Variants in EXOC4 observed in about 807,000 individuals in gnomAD.
EXOC4 encodes SEC8-like 1.
Under a neutral mutation model 107.2 loss-of-function variants are expected in EXOC4, and 71 were observed. The ratio of observed to expected loss-of-function variants is 0.66; its 90% confidence interval spans 0.55 to 0.81. The LOEUF (loss-of-function observed/expected upper bound fraction) is 0.81, where lower values mean the gene tolerates loss of function less well. EXOC4 is among the 30% of genes least tolerant of loss of function. The pLI, the probability that EXOC4 is intolerant of heterozygous loss-of-function variation, is 0.00. For synonymous variants in EXOC4, 456 were observed against 441.2 expected (o/e 1.03, Z -0.42); for missense variants, 1,108 against 1,189.6 (o/e 0.93, Z 1.01).
At position 133,986,641 on chromosome 7, in the gene EXOC4, G is replaced by C. The variant is rs192353994; in HGVS notation, c.2207-10851G>C. ...AGATCACCCCTCTGTTCCAAAAACC[G>C]GTAGGCTTCATAAATAAATAATTTA... On this transcript the variant is annotated intron_variant, in intron 14 of 17. Transcript: ENST00000253861. 2.6e-4 allele frequency among the ~76,000 whole-genome samples: 39 copies of C among 152,262 alleles called. No individual in the cohort carries two copies. In the East Asian group the frequency reaches 7.3e-3, roughly 29 times the overall value.
At chr7:133,878,944 C>T (rs1798906732) in intron 11 of EXOC4, among the ~76,000 whole-genome samples, 1 of 152,076 alleles carries the variant, frequency 6.6e-6, no homozygotes, top group African/African-American at 2.4e-5. Context: ...AGGCTGGTCT[C>T]AAACTCCTGA....
At chr7:134,073,783 T>G in the EXOC4 span, among the ~76,000 whole-genome samples, 1,245 of 152,198 alleles carry the variant, frequency 8.2e-3, 17 homozygotes, top group East Asian at 0.027. Context: ...GGGGTTTTGG[T>G]GAGAGGCTTC....
intron 10 of EXOC4, among the ~76,000 whole-genome samples, chr7:133,663,909 G>T (rs1434087667): frequency 6.6e-6 from 1 of 152,130 alleles, no homozygotes; most frequent in African/African-American, 2.4e-5. Flanking sequence ...GTAAAAGCCA[G>T]AATTATTTTC....
intron 9 of EXOC4, among the ~76,000 whole-genome samples, chr7:133,518,556 G>A (rs1404062815): frequency 6.6e-6 from 1 of 151,908 alleles, no homozygotes; most frequent in African/African-American, 2.4e-5. Context: ...GTTCATAGCA[G>A]CATCATTCAC....
At chr7:133,907,569 G>A (rs1375643886) in intron 12 of EXOC4, among the ~76,000 whole-genome samples, 1 of 152,176 alleles carries the variant, frequency 6.6e-6, no homozygotes, top group African/African-American at 2.4e-5. Context: ...CAGGCAGGGT[G>A]GCTCACACCT....
At chr7:133,581,588 C>A (rs1801272896) in intron 9 of EXOC4, among the ~76,000 whole-genome samples, 1 of 151,428 alleles carries the variant, frequency 6.6e-6, no homozygotes, top group Non-Finnish European at 1.5e-5. Context: ...GAAACCCCGT[C>A]TCTACTAAAA....
rs1252021474 is a variant in EXOC4, at chr7:133,504,362, GGTTT to G, written c.1417+24233_1417+24236del. Among the ~76,000 whole-genome samples the G allele has an allele frequency of 7.2e-5, 11 of 152,142 alleles. No individual in the cohort carries two copies. In the East Asian group the frequency reaches 1.5e-3, roughly 21 times the overall value. Reference sequence around the variant, plus strand: ...CAGAAAAGCAAAGCTATTCTAGGTTGGTTTGTTTGTTTTTTCTCCTTTAATGTGA... The same window carrying G: ...CAGAAAAGCAAAGCTATTCTAGGTTGGTTTGTTTTTTCTCCTTTAATGTGA... On this transcript the variant is annotated intron_variant, in intron 9 of 17. Transcript: ENST00000253861.
At chr7:133,790,893 C>CA (rs1796689128) in intron 10 of EXOC4, among the ~76,000 whole-genome samples, 2 of 151,996 alleles carry the variant, frequency 1.3e-5, no homozygotes, top group South Asian at 4.2e-4. Flanking sequence ...AACTAGTAAT[C>CA]AAAAAAAGGC....
chr7:134,029,199 G>A (rs1795212114), intron 17 of EXOC4, among the ~76,000 whole-genome samples: 1 of 152,186 alleles, frequency 6.6e-6, no homozygotes, highest in African/African-American at 2.4e-5. Context: ...CCTCCTCACT[G>A]TGGGAGTTCC....
intron 5 of EXOC4, among the ~76,000 whole-genome samples, chr7:133,354,926 T>G (rs1182808072): frequency 6.6e-6 from 1 of 152,162 alleles, no homozygotes; most frequent in Non-Finnish European, 1.5e-5. Flanking sequence ...AGTACAATCG[T>G]GTAGGTGGGG....
chr7:134,050,753 T>C (rs57324575), intron 17 of EXOC4, among the ~76,000 whole-genome samples: 3 of 152,202 alleles, frequency 2.0e-5, no homozygotes, highest in Non-Finnish European at 2.9e-5. Context: ...AGGTCAAGTC[T>C]TTAAAAGGCC....
intron 14 of EXOC4, among the ~76,000 whole-genome samples, chr7:133,940,781 T>A (rs1430421240): frequency 4.6e-5 from 7 of 152,042 alleles, no homozygotes; most frequent in African/African-American, 1.2e-4. Flanking sequence ...TTTATTATTT[T>A]TTTTTTTTTG....
chr7:133,954,277 C>T (rs1800762708), intron 14 of EXOC4, among the ~76,000 whole-genome samples: 1 of 152,104 alleles, frequency 6.6e-6, no homozygotes, highest in African/African-American at 2.4e-5. Flanking sequence ...TGGAAACTGG[C>T]AAAAGAACTT....
At chr7:133,677,745 C>G (rs576769215) in intron 10 of EXOC4, among the ~76,000 whole-genome samples, 16 of 152,248 alleles carry the variant, frequency 1.1e-4, no homozygotes, top group African/African-American at 3.8e-4. Context: ...ACCTGCTAAT[C>G]AATCTTAAAT....
chr7:133,281,848 CCCA>C (rs1172601562), intron 2 of EXOC4, among the ~76,000 whole-genome samples: 1 of 151,908 alleles, frequency 6.6e-6, no homozygotes, highest in East Asian at 1.9e-4. Flanking sequence ...ATTATAGGTA[CCCA>C]CCACCACACC....
At chr7:133,375,955 T>C (rs912604812) in intron 7 of EXOC4, among the ~76,000 whole-genome samples, 7 of 152,216 alleles carry the variant, frequency 4.6e-5, no homozygotes, top group African/African-American at 1.7e-4. Flanking sequence ...CATAACTAAA[T>C]AGAAGTAACT....
intron 5 of EXOC4, among the ~76,000 whole-genome samples, chr7:133,330,428 G>A (rs1225886792): frequency 6.6e-6 from 1 of 152,124 alleles, no homozygotes; most frequent in Non-Finnish European, 1.5e-5. Flanking sequence ...TTCCAGGGGA[G>A]TGAACGGTTC....
In EXOC4 at chr7:133,561,308, G is replaced by T. The variant is rs139767709; in HGVS notation, c.1418-68737G>T. Among the ~76,000 whole-genome samples the T allele has an allele frequency of 2.6e-5, 4 of 152,256 alleles. No individual in the cohort carries two copies. In the East Asian group the frequency reaches 7.7e-4, roughly 29 times the overall value. ...TGCAAATAAGGCCAGAATTACTCTTGATCTTAAATTTTACAAGCCAAGTTT... is the reference window on the plus strand; with the variant it reads ...TGCAAATAAGGCCAGAATTACTCTTTATCTTAAATTTTACAAGCCAAGTTT... On this transcript the variant is annotated intron_variant, in intron 9 of 17. Coordinates refer to ENST00000253861, the MANE Select transcript of EXOC4 (RefSeq NM_021807.4).
intron 9 of EXOC4, among the ~76,000 whole-genome samples, chr7:133,515,435 A>G (rs1799855106): frequency 6.6e-6 from 1 of 152,082 alleles, no homozygotes; most frequent in African/African-American, 2.4e-5. Context: ...ACACACATTT[A>G]TACGTGTGTA....
Sources: allele counts gnomAD v4.1 joint callset (sites outside exome capture counted in the v4.1 genomes callset), GRCh38; gene constraint gnomAD v4.1.1; transcripts MANE v1.5; gene names NCBI Gene and HGNC (gene_info 2026-07-23, HGNC 2026-07-21).